RPTOR: variants seen among roughly 807,000 people sequenced by gnomAD.
RPTOR encodes the protein regulatory-associated protein of mTOR.
Under a neutral mutation model 169.9 loss-of-function variants are expected in RPTOR, and 21 were observed. That is an observed-to-expected ratio of 0.12 (90% CI 0.09 to 0.18). The LOEUF is 0.18. Ranked by LOEUF, RPTOR falls within the 10% of genes least tolerant of loss-of-function variation. The pLI is 1.00. For synonymous variants in RPTOR, 732 were observed against 753.2 expected (o/e 0.97, Z 0.46); for missense variants, 1,133 against 1,855.9 (o/e 0.61, Z 7.16).
chr17:80,912,055 T>G (rs1295175355), intron 21 of RPTOR, among the ~76,000 whole-genome samples: 2 of 152,212 alleles, frequency 1.3e-5, no homozygotes, highest in African/African-American at 4.8e-5. Flanking sequence ...CACTTACCAC[T>G]GCCCTTTTAG....
intron 3 of RPTOR, among the ~76,000 whole-genome samples, chr17:80,660,157 G>A (rs1410576968): frequency 6.6e-6 from 1 of 151,648 alleles, no homozygotes; most frequent in Non-Finnish European, 1.5e-5. Flanking sequence ...TGTAATCCCA[G>A]TTACTCAGGA....
At chr17:80,747,205 G>T (rs1243685201) in intron 5 of RPTOR, among the ~76,000 whole-genome samples, 1 of 152,204 alleles carries the variant, frequency 6.6e-6, no homozygotes, top group African/African-American at 2.4e-5. Context: ...GACAAAGCAA[G>T]ACTCCCTCTC....
chr17:80,714,718 T>A (rs916897888), intron 4 of RPTOR, among the ~76,000 whole-genome samples: 1 of 152,222 alleles, frequency 6.6e-6, no homozygotes, highest in Non-Finnish European at 1.5e-5. Flanking sequence ...GAAATATATT[T>A]AAAATGAAAA....
intron 1 of RPTOR, among the ~76,000 whole-genome samples, chr17:80,624,285 G>A (rs1201074703): frequency 6.6e-6 from 1 of 152,118 alleles, no homozygotes; most frequent in Non-Finnish European, 1.5e-5. Context: ...ACCATATTAT[G>A]TTCTGTATAG....
chr17:80,876,245 G>T (rs71368097), intron 13 of RPTOR, among the ~76,000 whole-genome samples: 9 of 74,262 alleles, frequency 1.2e-4, no homozygotes, highest in African/African-American at 1.4e-4. Flanking sequence ...TCGCCTGCCG[G>T]GTCTTCCACC....
chr17:80,586,992 C>T (rs1210176771), intron 1 of RPTOR, among the ~76,000 whole-genome samples: 1 of 152,250 alleles, frequency 6.6e-6, no homozygotes, highest in Non-Finnish European at 1.5e-5. Context: ...GGTCATGGGC[C>T]ACGTCAGCAA....
intron 2 of RPTOR, among the ~76,000 whole-genome samples, chr17:80,634,118 CTG>C (rs67908395): frequency 0.41 from 55,085 of 135,890 alleles, 10,396 homozygotes; most frequent in Non-Finnish European, 0.44. Context: ...TGTGTGCATA[CTG>C]TGTGTGTGTG....
chr17:80,777,012 G>A (rs2066897863), intron 6 of RPTOR, among the ~76,000 whole-genome samples: 1 of 152,160 alleles, frequency 6.6e-6, no homozygotes, highest in Admixed American at 6.5e-5. Context: ...GACGAGGTGG[G>A]CAGATTACCT....
intron 21 of RPTOR, among the ~76,000 whole-genome samples, chr17:80,910,402 C>T (rs1021024827): frequency 2.6e-5 from 4 of 152,178 alleles, no homozygotes; most frequent in African/African-American, 9.7e-5. Context: ...TTAGAAGTCA[C>T]TCATTATAGC....
At chr17:80,779,911 T>C (rs548850578) in intron 6 of RPTOR, among the ~76,000 whole-genome samples, 163 of 152,294 alleles carry the variant, frequency 1.1e-3, no homozygotes, top group African/African-American at 3.8e-3. Flanking sequence ...GGGGTGCTCT[T>C]CCTTAGCCCC....
chr17:80,841,379 A>T (rs1400081614), intron 10 of RPTOR, among the ~76,000 whole-genome samples: 8 of 92,168 alleles, frequency 8.7e-5, no homozygotes, highest in Non-Finnish European at 1.5e-4. Context: ...GCTCACACTC[A>T]CCGCACGGCA....
In RPTOR at chr17:80,726,479, A is replaced by C. The variant is rs1400212488; in HGVS notation, c.508-4081A>C. On this transcript the variant is annotated intron_variant, in intron 4 of 33. Transcript: ENST00000306801. This position sits in a 1 kb window ranked among gnomAD's most constrained non-coding sequence, Gnocchi z 4.5. ...CCTGAACTTTGCATCTCAGAATTTA[A>C]AATGGAGATTTTGATTTTGATTTTG... Among the ~76,000 whole-genome samples, 1 of 152,216 alleles carries C rather than the reference A, an allele frequency of 6.6e-6. No individual in the cohort carries two copies. Among genetic ancestry groups the C allele is most frequent in the Non-Finnish European group, 1.5e-5 (1 of 68,044 alleles).
At chr17:80,925,704 A>T (rs1470298765) in intron 24 of RPTOR, among the ~76,000 whole-genome samples, 6 of 152,238 alleles carry the variant, frequency 3.9e-5, no homozygotes, top group Admixed American at 1.3e-4. Flanking sequence ...TCCCAGTGTG[A>T]CAGGTGTCAC....
intron 17 of RPTOR, 35 bp from the exon 18 acceptor site, chr17:80,891,685 C>T (rs1421136454): frequency 1.5e-6 from 2 of 1,379,042 alleles, no homozygotes; most frequent in South Asian, 1.2e-5. Context: ...TTTCCAGCCC[C>T]AGTGACTGTT....
intron 3 of RPTOR, among the ~76,000 whole-genome samples, chr17:80,666,587 A>G (rs1184699825): frequency 1.3e-5 from 2 of 152,252 alleles, no homozygotes; most frequent in Non-Finnish European, 2.9e-5. Context: ...TGTGGATATA[A>G]CAATAAGTGA....
chr17:80,826,681 C>T (rs867340829), intron 9 of RPTOR, among the ~76,000 whole-genome samples: 9 of 152,358 alleles, frequency 5.9e-5, no homozygotes, highest in African/African-American at 9.6e-5. Context: ...TTGGGTTTGA[C>T]GGACATCAGG....
At chr17:80,855,389 A>G (rs903740229) in intron 11 of RPTOR, 75 bp from the exon 12 acceptor site, 5 of 1,094,248 alleles carry the variant, frequency 4.6e-6, no homozygotes, top group Non-Finnish European at 7.1e-6. Context: ...CAAAGCTGGC[A>G]GCTCATGCAG....
intron 1 of RPTOR, among the ~76,000 whole-genome samples, chr17:80,549,189 A>G (rs770526884): frequency 6.6e-6 from 1 of 152,166 alleles, no homozygotes; most frequent in Non-Finnish European, 1.5e-5. Context: ...TTACTTTAAA[A>G]TTATTATCAA....
chr17:80,754,238 G>A lies in RPTOR; in HGVS notation c.830+53G>A. The stretch of plus-strand genomic sequence containing the variant: ...ACCCACTCAACTGGGCTCTCCCGCA[G>A]GGACCCCAACCCATGTGGGCCCCAG... On this transcript the variant is annotated intron_variant, in intron 6 of 33. Transcript: ENST00000306801. The surrounding 1 kb of genome is among the most constrained non-coding windows in gnomAD (Gnocchi z 4.2). 6.6e-7 allele frequency: 1 copy of A among 1,520,982 alleles called. No homozygotes were observed. Among genetic ancestry groups the A allele is most frequent in the South Asian group, 1.2e-5 (1 of 80,014 alleles). 94.2% of individuals were successfully genotyped at this position (1,520,982 alleles called of 1,614,324 possible).
Sources: gnomAD v4.1 joint callset for allele counts (sites outside exome capture counted in the v4.1 genomes callset) on GRCh38, gnomAD v4.1.1 for gene constraint, Gnocchi (gnomAD v3.1) non-coding constraint, MANE v1.5 for transcripts, NCBI Gene and HGNC (gene_info 2026-07-23, HGNC 2026-07-21) for gene names.